The following PLAA variants were observed in gnomAD, a reference collection of about 807,000 sequenced individuals.
PLAA encodes phospholipase A-2-activating protein.
In PLAA, 48 loss-of-function variants were observed where a neutral mutation model predicts 84.1. The observed-to-expected ratio is 0.57, with a 90% CI of 0.45 to 0.73. PLAA has a LOEUF of 0.73. PLAA is among the 30% of genes least tolerant of loss of function. The probability of loss-of-function intolerance (pLI) is 0.00; values close to 1 mark genes in which losing one functional copy is unlikely to be tolerated. For synonymous variants in PLAA, 392 were observed against 336.6 expected, an observed-to-expected ratio of 1.16 and a Z score of -1.80; for missense variants, 903 against 954.7, an observed-to-expected ratio of 0.95 and a Z score of 0.71.
At position 26,904,506 on chromosome 9, in the gene PLAA, T is replaced by C. The variant is rs1824169874; in HGVS notation, c.*1005A>G. 6.6e-6 allele frequency: 1 copy of C among 152,172 alleles called. No individual in the cohort carries two copies. Among genetic ancestry groups the C allele is most frequent in the Admixed American group, 6.5e-5 (1 of 15,280 alleles). 9.4% of individuals were successfully genotyped at this position (152,172 alleles called of 1,614,324 possible). ...TTTAAGTAGTTAACTCCCTCTTGGCTTCACTTTTTTTTTTCTGTTATATGA... is the reference window on the plus strand; with the variant it reads ...TTTAAGTAGTTAACTCCCTCTTGGCCTCACTTTTTTTTTTCTGTTATATGA... On this transcript the variant is annotated 3_prime_UTR_variant, in exon 14 of 14. Coordinates refer to ENST00000397292, the MANE Select transcript of PLAA (RefSeq NM_001031689.3).
chr9:26,947,181 G>A lies in PLAA; in HGVS notation c.-136C>T. The A allele has an allele frequency of 9.3e-7, 1 of 1,080,922 alleles. No homozygotes were observed. The highest frequency in any genetic ancestry group is 1.3e-6 in the Non-Finnish European group (1 of 797,252). The allele number at this position is 1,080,922 out of a possible 1,614,324, so 67.0% of individuals were successfully genotyped here. On this transcript the variant is annotated 5_prime_UTR_variant, in exon 1 of 14. Transcript: ENST00000397292. The stretch of plus-strand genomic sequence containing the variant: ...GGCCGGAGACCGGAAGAGCCCGAGA[G>A]CCGGTACGGAAGGGCGGCTGGGAAG...
intron 5 of PLAA, 25 bp from the exon 6 acceptor site, chr9:26,925,985 A>G: frequency 6.3e-7 from 1 of 1,587,052 alleles, no homozygotes; most frequent in East Asian, 2.2e-5. Context: ...TATAGGAAGT[A>G]TTAGTTTGAA....
Position 26,911,594 on chromosome 9 carries a change from T to C in PLAA, c.1556-1155A>G, listed in dbSNP as rs1175988567. Among the ~76,000 whole-genome samples the C allele has an allele frequency of 4.6e-5, 7 of 152,234 alleles. No homozygotes were observed. In the East Asian group the frequency reaches 9.6e-4, roughly 21 times the overall value. ...TGAGCCACCAGGCCCGTCTGAGTCC[T>C]AGTCTTTTATACTTTTTTTTACATC... is the stretch of plus-strand genomic sequence containing the variant. On this transcript the variant is annotated intron_variant, in intron 11 of 13. Transcript: ENST00000397292.
chr9:26,939,383 G>A (rs926700181), intron 1 of PLAA, among the ~76,000 whole-genome samples: 5 of 149,206 alleles, frequency 3.4e-5, no homozygotes, highest in Admixed American at 1.4e-4. Context: ...CTGAAACTCC[G>A]TCTCAAAAAA....
rs1420199164 is a variant in PLAA, at chr9:26,904,514, T to C, written c.*997A>G. 6.6e-6 allele frequency: 1 copy of C among 152,174 alleles called. No individual in the cohort carries two copies. The highest frequency in any genetic ancestry group is 2.4e-5 in the African/African-American group (1 of 41,444). The allele number at this position is 152,174 out of a possible 1,614,324, so 9.4% of individuals were successfully genotyped here. A position where few individuals can be genotyped will look rare whatever the true frequency, so the allele number is the denominator to read the frequency against. On this transcript the variant is annotated 3_prime_UTR_variant, in exon 14 of 14. Transcript: ENST00000397292. The stretch of plus-strand genomic sequence containing the variant: ...GTTAACTCCCTCTTGGCTTCACTTT[T>C]TTTTTTCTGTTATATGATTCATCCT...
intron 11 of PLAA, among the ~76,000 whole-genome samples, chr9:26,912,358 G>A (rs1325442027): frequency 6.6e-6 from 1 of 152,186 alleles, no homozygotes; most frequent in Non-Finnish European, 1.5e-5. Context: ...CAGAAGAAAG[G>A]CAATGAGGAA....
At chr9:26,908,021 CA>C (rs1198955188) in intron 12 of PLAA, 23 bp from the exon 13 acceptor site, 18 of 1,555,274 alleles carry the variant, frequency 1.2e-5, no homozygotes, top group Non-Finnish European at 1.6e-5. Context: ...ACCAAACTTT[CA>C]AAATTCTCTA....
At chr9:26,918,770 C>A (rs1018184488) in intron 9 of PLAA, among the ~76,000 whole-genome samples, 18 of 152,058 alleles carry the variant, frequency 1.2e-4, no homozygotes, top group African/African-American at 4.3e-4. Flanking sequence ...ATTCCACTTC[C>A]TAGGGGCCAG....
intron 7 of PLAA, among the ~76,000 whole-genome samples, chr9:26,920,764 G>T (rs189932162): frequency 1.5e-3 from 231 of 152,020 alleles, no homozygotes; most frequent in African/African-American, 5.3e-3. Flanking sequence ...TCGCTCCTTC[G>T]GCTACTTCTC....
chr9:26,907,823 T>G lies in PLAA; in HGVS notation c.1822+11A>C. On this transcript the variant is annotated intron_variant, in intron 13 of 13. Coordinates refer to ENST00000397292, the MANE Select transcript of PLAA (RefSeq NM_001031689.3). Reference sequence around the variant, plus strand: ...GCTTTCTGGTTACATTTTTGAAGAGTGTTTATTTACCTTCAGGACAGTTAA... The same window carrying G: ...GCTTTCTGGTTACATTTTTGAAGAGGGTTTATTTACCTTCAGGACAGTTAA... 1 of 1,587,584 alleles carries G rather than the reference T, an allele frequency of 6.3e-7. No individual in the cohort carries two copies. The highest frequency in any genetic ancestry group is 1.2e-5 in the South Asian group (1 of 84,856).
chr9:26,946,851 G>A, intron 1 of PLAA, 46 bp downstream of exon 1: 1 of 1,526,004 alleles, frequency 6.6e-7, no homozygotes, highest in Non-Finnish European at 8.8e-7. Context: ...TCCACTCTCC[G>A]GGAAGCGTGC....
At chr9:26,907,736 G>C in intron 13 of PLAA, 98 bp downstream of exon 13, 1 of 1,075,588 alleles carries the variant, frequency 9.3e-7, no homozygotes, top group Non-Finnish European at 1.4e-6. Context: ...AACTACCGAA[G>C]TTAACTTTCA....
At chr9:26,932,123 C>G (rs1425597569) in intron 2 of PLAA, among the ~76,000 whole-genome samples, 1 of 151,974 alleles carries the variant, frequency 6.6e-6, no homozygotes, top group African/African-American at 2.4e-5. Flanking sequence ...ACAAACAAAA[C>G]AGATGTGGAC....
chr9:26,930,964 C>T (rs953407288), intron 2 of PLAA, among the ~76,000 whole-genome samples: 1 of 151,480 alleles, frequency 6.6e-6, no homozygotes, highest in Non-Finnish European at 1.5e-5. Flanking sequence ...AATACCATTT[C>T]CCAGTAAAAG....
intron 2 of PLAA, among the ~76,000 whole-genome samples, chr9:26,934,085 A>C (rs1825278120): frequency 1.3e-5 from 2 of 152,176 alleles, no homozygotes; most frequent in Admixed American, 1.3e-4. Flanking sequence ...TTGGGATTAC[A>C]CATATGAGCC....
chr9:26,940,618 C>T (rs1287375804), intron 1 of PLAA, among the ~76,000 whole-genome samples: 1 of 152,052 alleles, frequency 6.6e-6, no homozygotes, highest in East Asian at 1.9e-4. Flanking sequence ...TTGAACTGTA[C>T]AGTTTAAAAT....
intron 2 of PLAA, among the ~76,000 whole-genome samples, chr9:26,930,962 T>G (rs62544443): frequency 2.2e-4 from 34 of 151,734 alleles, no homozygotes; most frequent in Non-Finnish European, 4.9e-4. Context: ...AAAATACCAT[T>G]TCCCAGTAAA....
At chr9:26,934,363 A>G (rs1825286095) in intron 2 of PLAA, among the ~76,000 whole-genome samples, 1 of 152,162 alleles carries the variant, frequency 6.6e-6, no homozygotes, top group African/African-American at 2.4e-5. Context: ...TGGGTCTTCA[A>G]TTAAATACTT....
At position 26,925,978 on chromosome 9, in the gene PLAA, A is replaced by G. The variant is rs1477564753; in HGVS notation, c.734-18T>C. Reference sequence around the variant, plus strand: ...CACAAAGTCTAAAATTAATGAATATAGGAAGTATTAGTTTGAATAAAATTA... The same window carrying G: ...CACAAAGTCTAAAATTAATGAATATGGGAAGTATTAGTTTGAATAAAATTA... On this transcript the variant is annotated intron_variant, in intron 5 of 13. Coordinates refer to ENST00000397292, the MANE Select transcript of PLAA (RefSeq NM_001031689.3). 6.3e-7 allele frequency: 1 copy of G among 1,598,482 alleles called. No homozygotes were observed. Among genetic ancestry groups the G allele is most frequent in the African/African-American group, 1.3e-5 (1 of 74,730 alleles).
Sources: gnomAD v4.1 joint callset for allele counts (sites outside exome capture counted in the v4.1 genomes callset) on GRCh38, gnomAD v4.1.1 for gene constraint, MANE v1.5 for transcripts, NCBI Gene and HGNC (gene_info 2026-07-23, HGNC 2026-07-21) for gene names.